The following LDLRAD4 variants were observed in gnomAD, a reference collection of about 807,000 sequenced individuals.
LDLRAD4 encodes low density lipoprotein receptor class A domain containing 4, also known as low-density lipoprotein receptor class A domain-containing protein 4.
LDLRAD4 carries 5 observed loss-of-function variants against 17.0 expected under a neutral mutation model. The observed-to-expected ratio is 0.29, with a 90% CI of 0.15 to 0.62. The LOEUF (loss-of-function observed/expected upper bound fraction) is 0.62. Ranked by LOEUF, LDLRAD4 falls within the 20% of genes least tolerant of loss-of-function variation. The pLI is 0.84. For missense variants in LDLRAD4, 340 were observed against 424.7 expected, an observed-to-expected ratio of 0.80 and a Z score of 1.75; for synonymous variants, 168 against 171.8, an observed-to-expected ratio of 0.98 and a Z score of 0.17.
chr18:13,358,441 A>G (rs964421663), intron 1 of LDLRAD4, among the ~76,000 whole-genome samples: 30 of 151,866 alleles, frequency 2.0e-4, no homozygotes, highest in Non-Finnish European at 2.9e-5. Context: ...GAGTTTTTCT[A>G]TATTACATTT....
At chr18:13,333,070 C>T (rs547685734) in intron 1 of LDLRAD4, among the ~76,000 whole-genome samples, 4 of 152,118 alleles carry the variant, frequency 2.6e-5, no homozygotes, top group Admixed American at 6.5e-5. Flanking sequence ...ACATCCTTGC[C>T]AGCTTTTGGT....
chr18:13,269,256 T>G (rs2044387439), intron 1 of LDLRAD4, among the ~76,000 whole-genome samples: 2 of 152,218 alleles, frequency 1.3e-5, no homozygotes, highest in South Asian at 4.1e-4. Flanking sequence ...TAATAGTGGC[T>G]CCCAAGCTGA....
At chr18:13,370,450 C>G (rs927999201) in intron 1 of LDLRAD4, among the ~76,000 whole-genome samples, 1 of 152,160 alleles carries the variant, frequency 6.6e-6, no homozygotes, top group Non-Finnish European at 1.5e-5. Context: ...TTATTTAAAT[C>G]TAATTTTCAG....
intron 3 of LDLRAD4, among the ~76,000 whole-genome samples, chr18:13,584,131 C>T (rs1305175605): frequency 1.3e-5 from 2 of 152,220 alleles, no homozygotes; most frequent in South Asian, 2.1e-4. Flanking sequence ...CTGTGACCGG[C>T]GTCTGCCTCT....
intron 3 of LDLRAD4, among the ~76,000 whole-genome samples, chr18:13,565,989 G>A (rs1044059637): frequency 7.2e-5 from 11 of 152,202 alleles, no homozygotes; most frequent in East Asian, 1.9e-4. Flanking sequence ...TCGTCCATTC[G>A]TTCAGTCCAA....
intron 3 of LDLRAD4, among the ~76,000 whole-genome samples, chr18:13,560,585 A>T (rs1011291155): frequency 2.0e-5 from 3 of 152,214 alleles, no homozygotes; most frequent in Non-Finnish European, 1.5e-5. Context: ...CCAAAGTGGC[A>T]AGATTTTGGA....
intron 1 of LDLRAD4, among the ~76,000 whole-genome samples, chr18:13,224,077 T>G (rs955347944): frequency 3.9e-5 from 6 of 152,256 alleles, no homozygotes; most frequent in African/African-American, 1.4e-4. Flanking sequence ...GCTGTAGCCC[T>G]CCCTCCCCAA....
At chr18:13,572,340 C>T (rs2094705121) in intron 3 of LDLRAD4, among the ~76,000 whole-genome samples, 1 of 152,202 alleles carries the variant, frequency 6.6e-6, no homozygotes, top group Non-Finnish European at 1.5e-5. Flanking sequence ...CTTCTGTGAT[C>T]ACTGTGAATG....
intron 2 of LDLRAD4, among the ~76,000 whole-genome samples, chr18:13,413,527 A>G (rs188346113): frequency 2.6e-4 from 39 of 152,354 alleles, no homozygotes; most frequent in Admixed American, 2.2e-3. Flanking sequence ...CACTTGCAGT[A>G]ATTTTTCAAG....
chr18:13,415,120 G>C (rs1487351192), intron 2 of LDLRAD4, among the ~76,000 whole-genome samples: 1 of 152,192 alleles, frequency 6.6e-6, no homozygotes, highest in African/African-American at 2.4e-5. Context: ...GCTACTCTGG[G>C]AGGCTGGTTG....
chr18:13,269,427 C>T (rs1005337714), intron 1 of LDLRAD4, among the ~76,000 whole-genome samples: 5 of 152,346 alleles, frequency 3.3e-5, no homozygotes, highest in African/African-American at 1.2e-4. Flanking sequence ...ACAATCTTTA[C>T]AATCAGATAT....
chr18:13,510,845 T>TA (rs1600967782), intron 3 of LDLRAD4, among the ~76,000 whole-genome samples: 1 of 152,050 alleles, frequency 6.6e-6, no homozygotes, highest in Non-Finnish European at 1.5e-5. Context: ...CAGAGGGAGA[T>TA]ACGGCTGAAA....
chr18:13,283,796 G>A (rs1348350441), intron 1 of LDLRAD4, among the ~76,000 whole-genome samples: 2 of 152,138 alleles, frequency 1.3e-5, no homozygotes, highest in African/African-American at 4.8e-5. Context: ...TATTCACCCT[G>A]CTGATAAAGA....
chr18:13,259,187 C>T (rs1334221942), intron 1 of LDLRAD4, among the ~76,000 whole-genome samples: 2 of 152,134 alleles, frequency 1.3e-5, no homozygotes, highest in Admixed American at 6.5e-5. Flanking sequence ...CTCCCCTCCC[C>T]TCTCCTCCTC....
intron 3 of LDLRAD4, among the ~76,000 whole-genome samples, chr18:13,562,093 C>T (rs954328793): frequency 6.6e-6 from 1 of 152,344 alleles, no homozygotes; most frequent in South Asian, 2.1e-4. Context: ...AGGCCCAAAT[C>T]GTGGTCCTGA....
chr18:13,413,933 G>A (rs1162443951), intron 2 of LDLRAD4, among the ~76,000 whole-genome samples: 2 of 152,082 alleles, frequency 1.3e-5, no homozygotes, highest in Non-Finnish European at 2.9e-5. Flanking sequence ...AAATCACTGG[G>A]AAAAGAAATA....
At position 13,620,662 on chromosome 18, in the gene LDLRAD4, T is replaced by A. The variant is rs368814035; in HGVS notation, c.182-455T>A. Among the ~76,000 whole-genome samples, 5 of 152,340 alleles carry A rather than the reference T, an allele frequency of 3.3e-5. No homozygotes were observed. In the East Asian group the frequency reaches 7.7e-4, roughly 23 times the overall value. ...AGACCTGACCACTCCTAAAGTGCTGTGCCTGAAGGCCTGGAAACAATGTGG... is the reference window on the plus strand; with the variant it reads ...AGACCTGACCACTCCTAAAGTGCTGAGCCTGAAGGCCTGGAAACAATGTGG... On this transcript the variant is annotated intron_variant, in intron 3 of 5. Transcript: ENST00000359446.
At chr18:13,397,281 C>CT (rs1236390189) in intron 2 of LDLRAD4, among the ~76,000 whole-genome samples, 1 of 152,118 alleles carries the variant, frequency 6.6e-6, no homozygotes, top group Non-Finnish European at 1.5e-5. Context: ...GTAGCTGGGA[C>CT]TACAGGCACC....
intron 3 of LDLRAD4, among the ~76,000 whole-genome samples, chr18:13,464,127 C>A (rs1391729664): frequency 1.3e-5 from 2 of 152,210 alleles, no homozygotes; most frequent in Non-Finnish European, 2.9e-5. Context: ...AAAAGACAAG[C>A]CTTTCAAGTA....
Sources: allele counts gnomAD v4.1 joint callset (sites outside exome capture counted in the v4.1 genomes callset), GRCh38; gene constraint gnomAD v4.1.1; transcripts MANE v1.5; gene names NCBI Gene and HGNC (gene_info 2026-07-23, HGNC 2026-07-21).